LAMA1: variants seen among roughly 807,000 people sequenced by gnomAD.
LAMA1 encodes the protein laminin subunit alpha-1.
In LAMA1, 219 loss-of-function variants were observed where a neutral mutation model predicts 348.7. The observed-to-expected ratio is 0.63, with a 90% CI of 0.56 to 0.70. The LOEUF is 0.70. LAMA1 is among the 30% of genes least tolerant of loss of function. The probability of loss-of-function intolerance (pLI) is 0.00; values close to 1 mark genes in which losing one functional copy is unlikely to be tolerated. For missense variants in LAMA1, 3,744 were observed against 3,888.0 expected (o/e 0.96, Z 0.99); for synonymous variants, 1,487 against 1,491.0 (o/e 1.00, Z 0.06).
In LAMA1 at chr18:6,977,840, C is replaced by T. The variant is rs1354152306; in HGVS notation, c.6232G>A (p.Ala2078Thr). The T allele has an allele frequency of 1.2e-6, 2 of 1,613,920 alleles. No individual in the cohort carries two copies. The highest frequency in any genetic ancestry group is 1.1e-5 in the South Asian group (1 of 91,074). Residue 2078 changes from alanine to threonine, a missense_variant, in exon 44 of 63, where the codon GCC becomes ACC. Ala to Thr is a moderately conservative substitution (Grantham distance 58). Coordinates refer to ENST00000389658, the MANE Select transcript of LAMA1 (RefSeq NM_005559.4). ...TTCAACCGATCAAACAAAAGGTTGG[C>T]TTGAATTTCCACGTCTTTGACTTTT... ...GRKVKDVEIQ[A>T]NLLFDRLKPL...
At position 6,942,079 on chromosome 18, in the gene LAMA1, T is replaced by C; in HGVS notation, c.9228A>G (p.Ter3076TrpextTer12). ...TCCAACTGAGGATTCTGCTTGAAGT[T>C]CAGGACTCGGTCCCAGGACAGGAAT... ...FLHSCPGTES[*>W] is the part of the protein sequence containing the mutation. Residue 3076 changes from the stop codon to tryptophan (W), a stop_lost, in exon 63 of 63, where the codon TGA (stop) becomes TGG (tryptophan). Coordinates refer to ENST00000389658, the MANE Select transcript of LAMA1 (RefSeq NM_005559.4). 6.2e-7 allele frequency: 1 copy of C among 1,614,176 alleles called. No individual in the cohort carries two copies. Among genetic ancestry groups the C allele is most frequent in the Non-Finnish European group, 8.5e-7 (1 of 1,180,018 alleles).
chr18:6,976,761 C>A (rs1049840185), intron 44 of LAMA1, among the ~76,000 whole-genome samples: 2 of 152,026 alleles, frequency 1.3e-5, no homozygotes, highest in South Asian at 4.1e-4. Context: ...TTCACACCAC[C>A]AAGCCTGGTT....
At chr18:7,017,161 A>AT in intron 20 of LAMA1, 117 bp downstream of exon 20, 1 of 813,694 alleles carries the variant, frequency 1.2e-6, no homozygotes, top group Non-Finnish European at 2.1e-6. Context: ...CTTGGGTAGT[A>AT]TCTCTATAGC....
intron 4 of LAMA1, among the ~76,000 whole-genome samples, 200 bp from the exon 5 acceptor site, chr18:7,049,457 G>A (rs939806019): frequency 4.6e-5 from 7 of 152,030 alleles, no homozygotes; most frequent in African/African-American, 1.4e-4. Flanking sequence ...GCACCACCAC[G>A]CCCAGCTAAT....
At chr18:7,050,080 G>A (rs1024716917) in intron 4 of LAMA1, among the ~76,000 whole-genome samples, 1 of 152,136 alleles carries the variant, frequency 6.6e-6, no homozygotes, top group Admixed American at 6.5e-5. Context: ...GCTTCGAGAA[G>A]AACAAAGAAA....
At chr18:6,969,433 A>C (rs1272748602) in intron 48 of LAMA1, among the ~76,000 whole-genome samples, 1 of 152,166 alleles carries the variant, frequency 6.6e-6, no homozygotes, top group African/African-American at 2.4e-5. Context: ...TCAGCATATT[A>C]ATGCTAATTA....
At chr18:7,039,128 A>G (rs2058009583) in intron 10 of LAMA1, among the ~76,000 whole-genome samples, 178 bp from the exon 11 acceptor site, 1 of 152,144 alleles carries the variant, frequency 6.6e-6, no homozygotes, top group African/African-American at 2.4e-5. Context: ...AATTATATAT[A>G]ATTTGATTTT....
chr18:7,003,006 G>C (rs554141726), intron 29 of LAMA1, among the ~76,000 whole-genome samples: 1 of 151,544 alleles, frequency 6.6e-6, no homozygotes, highest in African/African-American at 2.4e-5. Context: ...TCAGCCTCTC[G>C]AGTAGCTGGG....
chr18:7,009,612 G>T (rs2057849996), intron 26 of LAMA1, among the ~76,000 whole-genome samples: 2 of 152,098 alleles, frequency 1.3e-5, no homozygotes, highest in South Asian at 4.1e-4. Flanking sequence ...GTAAACATCT[G>T]CTGGAAGAAT....
intron 7 of LAMA1, among the ~76,000 whole-genome samples, chr18:7,043,860 T>G (rs921345801): frequency 6.6e-6 from 1 of 152,118 alleles, no homozygotes; most frequent in Non-Finnish European, 1.5e-5. Flanking sequence ...TTGTTAAATA[T>G]AAAAAGCGAT....
Position 7,037,858 on chromosome 18 carries a change from C to T in LAMA1, c.1564-107G>A. 3 of 1,147,078 alleles carry T rather than the reference C, an allele frequency of 2.6e-6. No individual in the cohort carries two copies. The South Asian group carries it at 3.9e-5, about 15-fold the overall frequency. 71.1% of individuals were successfully genotyped at this position (1,147,078 alleles called of 1,614,324 possible). ...AATGAAGAAATGGGCCAGAAAGCTT[C>T]TCTAGGGATGGCATTAACATAACAC... is the stretch of plus-strand genomic sequence containing the variant. On this transcript the variant is annotated intron_variant, in intron 11 of 62. Transcript: ENST00000389658.
chr18:7,087,580 G>A (rs2143795835), intron 1 of LAMA1, among the ~76,000 whole-genome samples: 1 of 152,344 alleles, frequency 6.6e-6, no homozygotes, highest in South Asian at 2.1e-4. Context: ...AGCATATTGA[G>A]TGTCTAACCT....
In LAMA1 at chr18:6,950,891, T is replaced by G; in HGVS notation, c.8288A>C (p.Tyr2763Ser). The change falls in exon 58 of 63, where the codon TAC becomes TCC. Residue 2763 changes from tyrosine to serine, a missense_variant. By Grantham distance (144) the Tyr-to-Ser change is moderately radical (BLOSUM62 -2). This residue lies in a region of LAMA1 where 1,983 missense variants were observed against 1,934.3 expected (regional missense o/e 1.03). Transcript: ENST00000389658. The stretch of plus-strand genomic sequence containing the variant: ...GCCCCCGTGCAGCTGGAGCACAGCG[T>G]AGTCTGCTTGGTTCTGATGAGCCAT... ...YYMAHQNQAD[Y>S]AVLQLHGGRL... The G allele has an allele frequency of 6.2e-7, 1 of 1,614,164 alleles. No homozygotes were observed. Among genetic ancestry groups the G allele is most frequent in the South Asian group, 1.1e-5 (1 of 91,082 alleles).
intron 3 of LAMA1, among the ~76,000 whole-genome samples, chr18:7,060,240 T>C (rs1279883874): frequency 2.0e-5 from 3 of 152,164 alleles, no homozygotes; most frequent in Non-Finnish European, 4.4e-5. Flanking sequence ...GTTGGCAGTT[T>C]TAACTGTTAT....
intron 3 of LAMA1, among the ~76,000 whole-genome samples, chr18:7,076,305 G>T (rs746758181): frequency 1.1e-4 from 16 of 152,192 alleles, no homozygotes; most frequent in Non-Finnish European, 2.2e-4. Flanking sequence ...TTAACACCCA[G>T]AGAGAATTCA....
intron 34 of LAMA1, among the ~76,000 whole-genome samples, chr18:6,994,651 T>C (rs2057772734): frequency 6.6e-6 from 1 of 151,598 alleles, no homozygotes; most frequent in South Asian, 2.1e-4. Context: ...TCCATATGTA[T>C]AGATACACCA....
intron 3 of LAMA1, among the ~76,000 whole-genome samples, chr18:7,078,431 G>A (rs1380833639): frequency 6.6e-6 from 1 of 151,832 alleles, no homozygotes; most frequent in Non-Finnish European, 1.5e-5. Context: ...CTCCCAAAGT[G>A]CCGGGATTAC....
At chr18:7,108,063 C>G (rs989375233) in intron 1 of LAMA1, among the ~76,000 whole-genome samples, 3 of 151,542 alleles carry the variant, frequency 2.0e-5, no homozygotes, top group African/African-American at 7.3e-5. Flanking sequence ...TGCTAACTCT[C>G]TCGGTGGCTC....
intron 3 of LAMA1, among the ~76,000 whole-genome samples, chr18:7,052,969 G>A (rs1172522224): frequency 1.3e-5 from 2 of 152,230 alleles, no homozygotes; most frequent in Admixed American, 6.5e-5. Context: ...GTAGTGAGCC[G>A]AGATCGTGCC....
Sources: gnomAD v4.1 joint callset for allele counts (sites outside exome capture counted in the v4.1 genomes callset) on GRCh38, gnomAD v4.1.1 for gene constraint, gnomAD v4.1.1 regional missense constraint, MANE v1.5 for transcripts, NCBI Gene and HGNC (gene_info 2026-07-23, HGNC 2026-07-21) for gene names.